The following EFCAB3 variants were observed in gnomAD, a reference collection of about 807,000 sequenced individuals.
The protein encoded by EFCAB3 is EF-hand calcium binding domain 3.
Under a neutral mutation model 42.2 loss-of-function variants are expected in EFCAB3, and 36 were observed. That is an observed-to-expected ratio of 0.85 (90% confidence interval 0.65 to 1.13). EFCAB3 has a LOEUF of 1.13. Ranked by LOEUF, EFCAB3 falls within the 50% of genes most tolerant of loss-of-function variation. The pLI, the probability that EFCAB3 is intolerant of heterozygous loss-of-function variation, is 0.00. For missense variants in EFCAB3, 418 were observed against 505.1 expected, an observed-to-expected ratio of 0.83 and a Z score of 1.65; for synonymous variants, 170 against 172.8, an observed-to-expected ratio of 0.98 and a Z score of 0.13.
At chr17:62,378,852 C>T (rs918720389), upstream of EFCAB3, among the ~76,000 whole-genome samples, 2 of 151,740 alleles carry the variant, frequency 1.3e-5, no homozygotes, top group Non-Finnish European at 2.9e-5. Context: ...GCAGCAAACC[C>T]GCATGGCACG....
chr17:62,392,744 TCTC>T (rs2070314945), intron 4 of EFCAB3, among the ~76,000 whole-genome samples: 1 of 152,010 alleles, frequency 6.6e-6, no homozygotes, highest in South Asian at 2.1e-4. Flanking sequence ...TTCACACCAT[TCTC>T]CTGCCTCAGC....
intron 1 of EFCAB3, among the ~76,000 whole-genome samples, chr17:62,371,025 G>A (rs1446697598): frequency 2.0e-5 from 3 of 151,790 alleles, no homozygotes; most frequent in Non-Finnish European, 2.9e-5. Context: ...CCAGGAATTC[G>A]AGATTGCAAT....
At chr17:62,393,490 T>A in intron 4 of EFCAB3, 83 bp from the exon 5 acceptor site, 1 of 1,041,858 alleles carries the variant, frequency 9.6e-7, no homozygotes, top group Non-Finnish European at 1.4e-6. Context: ...TCATCCAGAG[T>A]GTTTTAATTT....
rs1206803681 is a variant in EFCAB3, at chr17:62,416,468, T to A, written c.*139T>A. On this transcript the variant is annotated 3_prime_UTR_variant, in exon 10 of 10. Coordinates refer to ENST00000305286, the MANE Select transcript of EFCAB3 (RefSeq NM_173503.4). Reference sequence around the variant, plus strand: ...TTTGGATTCTGACCAGTAAAAAAGTTTAAGTCATAAAATGGTTTCCCTTTC... The same window carrying A: ...TTTGGATTCTGACCAGTAAAAAAGTATAAGTCATAAAATGGTTTCCCTTTC... The A allele has an allele frequency of 4.3e-6, 3 of 697,146 alleles. No homozygotes were observed. The highest frequency in any genetic ancestry group is 6.7e-6 in the Non-Finnish European group (3 of 447,338). The allele number at this position is 697,146 out of a possible 1,614,324, so 43.2% of individuals were successfully genotyped here.
chr17:62,393,680 C>G, intron 5 of EFCAB3, 36 bp downstream of exon 5: 1 of 1,562,078 alleles, frequency 6.4e-7, no homozygotes, highest in Non-Finnish European at 8.8e-7. Flanking sequence ...GGCAGTTGGG[C>G]AGCTACAACT....
chr17:62,387,464 G>A, intron 3 of EFCAB3, 48 bp downstream of exon 3: 1 of 1,458,848 alleles, frequency 6.9e-7, no homozygotes, highest in Non-Finnish European at 9.5e-7. Flanking sequence ...TCCTTAATAT[G>A]TCTGATCCTT....
intron 6 of EFCAB3, among the ~76,000 whole-genome samples, chr17:62,403,301 A>G (rs545481973): frequency 5.1e-4 from 78 of 152,276 alleles, no homozygotes; most frequent in Non-Finnish European, 9.0e-4. Flanking sequence ...CCTCCTCAAC[A>G]TGAAAGCAAT....
rs2070501468 is a variant in EFCAB3 at position 62,411,906 on chromosome 17, G to GGAAGGAAGGA, written c.868-1826_868-1825insGAAGGAAGGA. The stretch of plus-strand genomic sequence containing the variant: ...GAAGGAAGGAAGGAAGGAAGGAAGG[G>GGAAGGAAGGA]AGGGAGGGAGGAAGACAGACAGAAA... On this transcript the variant is annotated intron_variant, in intron 8 of 9. Coordinates refer to ENST00000305286, the MANE Select transcript of EFCAB3 (RefSeq NM_173503.4). 1.7e-3 allele frequency among the ~76,000 whole-genome samples: 4 copies of GGAAGGAAGGA among 2,396 alleles called. No homozygotes were observed. In the Admixed American group the frequency reaches 0.031, roughly 19 times the overall value. 1.6% of individuals were successfully genotyped at this position (2,396 alleles called of 152,430 possible).
At chr17:62,407,865 T>A (rs572976748) in intron 8 of EFCAB3, among the ~76,000 whole-genome samples, 1 of 152,318 alleles carries the variant, frequency 6.6e-6, no homozygotes, top group South Asian at 2.1e-4. Flanking sequence ...CAGCCCACCC[T>A]GTGGAGCTCT....
chr17:62,392,006 T>A, intron 4 of EFCAB3, 41 bp downstream of exon 4: 3 of 1,564,898 alleles, frequency 1.9e-6, no homozygotes, highest in Non-Finnish European at 2.6e-6. Flanking sequence ...CATAAAAGAT[T>A]TTTGTGAATA....
upstream of EFCAB3, among the ~76,000 whole-genome samples, chr17:62,378,300 G>A (rs1287839538): frequency 6.6e-6 from 1 of 152,018 alleles, no homozygotes; most frequent in African/African-American, 2.4e-5. Context: ...GAACACTGTA[G>A]CCTATTTGGT....
At chr17:62,410,312 A>C (rs574736208) in intron 8 of EFCAB3, among the ~76,000 whole-genome samples, 10 of 152,204 alleles carry the variant, frequency 6.6e-5, no homozygotes, top group Non-Finnish European at 1.2e-4. Context: ...ACTTGAGCTC[A>C]GGAGTTTGAG....
chr17:62,406,060 T>C (rs2070444783), intron 6 of EFCAB3, among the ~76,000 whole-genome samples: 1 of 152,038 alleles, frequency 6.6e-6, no homozygotes, highest in South Asian at 2.1e-4. Context: ...TTCATAAGTA[T>C]TTTTCTAAAC....
chr17:62,414,747 C>A (rs962521450), intron 9 of EFCAB3, among the ~76,000 whole-genome samples: 1 of 152,124 alleles, frequency 6.6e-6, no homozygotes, highest in Non-Finnish European at 1.5e-5. Context: ...ATCCTTAACT[C>A]GGGTTTTTTC....
At chr17:62,381,329 C>T (rs1367399330) in intron 1 of EFCAB3, among the ~76,000 whole-genome samples, 1 of 152,116 alleles carries the variant, frequency 6.6e-6, no homozygotes, top group Middle Eastern at 3.4e-3. Context: ...GACATGAACT[C>T]ATCATTTTTT....
intron 3 of EFCAB3, among the ~76,000 whole-genome samples, chr17:62,391,037 A>G (rs1037277400): frequency 8.5e-5 from 13 of 152,196 alleles, no homozygotes; most frequent in Non-Finnish European, 1.0e-4. Flanking sequence ...TTAGTTTTCT[A>G]TTGCTGCTGT....
chr17:62,373,495 C>G (rs183216587), intron 1 of EFCAB3, among the ~76,000 whole-genome samples: 2 of 152,136 alleles, frequency 1.3e-5, no homozygotes, highest in Admixed American at 1.3e-4. Context: ...GTGGCACACA[C>G]CTGCAGTCCC....
chr17:62,411,859 A>G (rs1168013957), intron 8 of EFCAB3, among the ~76,000 whole-genome samples: 1 of 12,334 alleles, frequency 8.1e-5, no homozygotes, highest in Non-Finnish European at 3.5e-4. Flanking sequence ...GAAGGAAAGA[A>G]GGAAGGAAGG....
intron 5 of EFCAB3, among the ~76,000 whole-genome samples, chr17:62,393,846 G>C (rs2070325690): frequency 6.6e-6 from 1 of 152,196 alleles, no homozygotes; most frequent in Non-Finnish European, 1.5e-5. Flanking sequence ...CACTTGCACT[G>C]TCCAAACACC....
Sources: gnomAD v4.1 joint callset for allele counts (sites outside exome capture counted in the v4.1 genomes callset) on GRCh38, gnomAD v4.1.1 for gene constraint, MANE v1.5 for transcripts, NCBI Gene and HGNC (gene_info 2026-07-23, HGNC 2026-07-21) for gene names.